The following PTPRE variants were observed in gnomAD, a reference collection of about 807,000 sequenced individuals.
The protein encoded by PTPRE is protein tyrosine phosphatase receptor type E.
A neutral mutation model predicts 102.0 loss-of-function variants in PTPRE; 51 were observed. The observed-to-expected ratio is 0.50, with a 90% CI of 0.40 to 0.63. The LOEUF is 0.63. PTPRE is among the 30% of genes least tolerant of loss of function. The pLI is 0.00. For synonymous variants in PTPRE, 345 were observed against 348.2 expected, an observed-to-expected ratio of 0.99 and a Z score of 0.10; for missense variants, 752 against 915.1, an observed-to-expected ratio of 0.82 and a Z score of 2.30.
intron 1 of PTPRE, among the ~76,000 whole-genome samples, chr10:127,930,262 A>C (rs1234887148): frequency 6.6e-6 from 1 of 152,058 alleles, no homozygotes; most frequent in South Asian, 2.1e-4. Context: ...AAAATCTGTC[A>C]TCATGCACCT....
chr10:127,983,952 C>T (rs150217571), intron 2 of PTPRE, among the ~76,000 whole-genome samples: 169 of 152,296 alleles, frequency 1.1e-3, no homozygotes, highest in South Asian at 7.4e-3. Context: ...GGTCACTGAA[C>T]GTGTGTGCAG....
chr10:127,950,453 A>G (rs1330819366), intron 1 of PTPRE, among the ~76,000 whole-genome samples: 1 of 152,090 alleles, frequency 6.6e-6, no homozygotes, highest in African/African-American at 2.4e-5. Context: ...GCTAGAGTGG[A>G]TTTGTCACTT....
chr10:127,954,988 C>T (rs960868357), intron 1 of PTPRE, among the ~76,000 whole-genome samples: 9 of 151,752 alleles, frequency 5.9e-5, no homozygotes, highest in African/African-American at 1.9e-4. Flanking sequence ...TTCCTCATGC[C>T]TCTGAGTCAA....
intron 2 of PTPRE, among the ~76,000 whole-genome samples, chr10:127,983,358 A>G (rs1411805194): frequency 6.6e-6 from 1 of 152,162 alleles, no homozygotes; most frequent in African/African-American, 2.4e-5. Context: ...TATGTTCTCC[A>G]TTGCATCATT....
chr10:127,982,879 C>T (rs1851755425), intron 2 of PTPRE, among the ~76,000 whole-genome samples: 1 of 152,174 alleles, frequency 6.6e-6, no homozygotes, highest in Non-Finnish European at 1.5e-5. Flanking sequence ...AACAACAGAG[C>T]CCTTTTGCAG....
intron 2 of PTPRE, among the ~76,000 whole-genome samples, chr10:127,992,512 G>A (rs1036067682): frequency 3.3e-5 from 5 of 152,134 alleles, no homozygotes; most frequent in Admixed American, 2.0e-4. Context: ...GCCTCAGCTC[G>A]GGGCTTCCTG....
chr10:127,937,937 C>T (rs543389389), intron 1 of PTPRE, among the ~76,000 whole-genome samples: 26 of 151,804 alleles, frequency 1.7e-4, no homozygotes, highest in African/African-American at 4.8e-4. Context: ...ATCTCTGTGG[C>T]GTGTGACCTG....
At chr10:127,941,509 G>A (rs999857244) in intron 1 of PTPRE, among the ~76,000 whole-genome samples, 2 of 152,204 alleles carry the variant, frequency 1.3e-5, no homozygotes, top group African/African-American at 4.8e-5. Context: ...GCTCACAGGA[G>A]CACGTCTTCT....
chr10:127,914,791 G>T (rs1846098290), intron 1 of PTPRE, among the ~76,000 whole-genome samples: 1 of 152,102 alleles, frequency 6.6e-6, no homozygotes, highest in African/African-American at 2.4e-5. Context: ...GTCAACCGAG[G>T]AGACCTGGAA....
intron 1 of PTPRE, among the ~76,000 whole-genome samples, chr10:127,976,636 G>C (rs1214275134): frequency 1.3e-5 from 2 of 152,202 alleles, no homozygotes; most frequent in Non-Finnish European, 2.9e-5. Context: ...TAGCAACATT[G>C]TTTTAAAGAT....
intron 1 of PTPRE, among the ~76,000 whole-genome samples, chr10:127,918,174 A>T (rs533029264): frequency 7.2e-5 from 11 of 152,312 alleles, no homozygotes; most frequent in African/African-American, 2.6e-4. Context: ...GGGGACAAAC[A>T]GGAGTCACCC....
rs1252668442 is a variant in PTPRE at position 128,047,414 on chromosome 10, A to G, written c.134A>G (p.Gln45Arg). The G allele has an allele frequency of 6.2e-7, 1 of 1,613,136 alleles. No individual in the cohort carries two copies. Among genetic ancestry groups the G allele is most frequent in the South Asian group, 1.1e-5 (1 of 91,054 alleles). The change falls in exon 4 of 21, where the codon CAG becomes CGG. Residue 45 changes from glutamine to arginine, a missense_variant. By Grantham distance (43) the Gln-to-Arg change is conservative. This residue lies in a region of PTPRE where 116 missense variants were observed against 90.8 expected (regional missense o/e 1.28). Coordinates refer to ENST00000254667, the MANE Select transcript of PTPRE (RefSeq NM_006504.6). ...GGCCCTCCGGACCCGGGCGCCTCCC[A>G]GCCGCTGCTGGCCTGGCTGCTACTG... The part of the protein sequence containing the change: ...TSGPPDPGAS[Q>R]PLLAWLLLPL...
intron 2 of PTPRE, among the ~76,000 whole-genome samples, chr10:127,987,992 G>C (rs543207143): frequency 6.6e-6 from 1 of 152,330 alleles, no homozygotes; most frequent in East Asian, 1.9e-4. Context: ...TTCATGTTGC[G>C]ATATTGTCGG....
intron 1 of PTPRE, among the ~76,000 whole-genome samples, chr10:127,928,597 G>A (rs957972070): frequency 3.9e-5 from 6 of 152,168 alleles, no homozygotes; most frequent in African/African-American, 1.4e-4. Context: ...GGACAGATTA[G>A]CTGTGCTGGG....
chr10:128,060,573 G>A (rs188429007), intron 7 of PTPRE, among the ~76,000 whole-genome samples: 19 of 152,276 alleles, frequency 1.2e-4, no homozygotes, highest in Admixed American at 2.6e-4. Flanking sequence ...CTGGGGCTGG[G>A]CCCAGTGCAG....
At chr10:128,053,754 T>G (rs1004662023) in intron 6 of PTPRE, among the ~76,000 whole-genome samples, 1 of 149,666 alleles carries the variant, frequency 6.7e-6, no homozygotes, top group African/African-American at 2.5e-5. Context: ...TTCTTTTAAT[T>G]TATTTATTTA....
intron 19 of PTPRE, among the ~76,000 whole-genome samples, chr10:128,078,148 C>T (rs1851387851): frequency 6.6e-6 from 1 of 152,066 alleles, no homozygotes; most frequent in African/African-American, 2.4e-5. Flanking sequence ...TTTTGAGAGA[C>T]TGCCTTACTG....
At chr10:127,964,880 C>T (rs1850121150) in intron 1 of PTPRE, 1 of 403,630 alleles carries the variant, frequency 2.5e-6, no homozygotes, top group African/African-American at 2.1e-5. Context: ...CATCAGCGGG[C>T]TCCTGGTGTC....
intron 2 of PTPRE, among the ~76,000 whole-genome samples, chr10:127,997,276 AC>A (rs987065583): frequency 6.6e-6 from 1 of 152,130 alleles, no homozygotes; most frequent in Non-Finnish European, 1.5e-5. Context: ...GGCCCTGAAC[AC>A]CCAGGTAAAC....
Sources: gnomAD v4.1 joint callset for allele counts (sites outside exome capture counted in the v4.1 genomes callset) on GRCh38, gnomAD v4.1.1 for gene constraint, gnomAD v4.1.1 regional missense constraint, MANE v1.5 for transcripts, NCBI Gene and HGNC (gene_info 2026-07-23, HGNC 2026-07-21) for gene names.